The following PTPN4 variants were observed in gnomAD, a reference collection of about 807,000 sequenced individuals.
PTPN4 encodes tyrosine-protein phosphatase non-receptor type 4.
PTPN4 carries 49 observed loss-of-function variants against 135.5 expected under a neutral mutation model. The observed-to-expected ratio is 0.36, with a 90% CI of 0.29 to 0.46. The LOEUF (loss-of-function observed/expected upper bound fraction) is 0.46, where lower values mean the gene tolerates loss of function less well. Ranked by LOEUF, PTPN4 falls within the 20% of genes least tolerant of loss-of-function variation. The pLI, the probability that PTPN4 is intolerant of heterozygous loss-of-function variation, is 1.00. For synonymous variants in PTPN4, 333 were observed against 369.9 expected (o/e 0.90, Z 1.14); for missense variants, 860 against 1,101.0 (o/e 0.78, Z 3.10).
chr2:119,781,047 T>G (rs959843748), intron 1 of PTPN4, among the ~76,000 whole-genome samples: 11 of 152,208 alleles, frequency 7.2e-5, no homozygotes, highest in African/African-American at 2.7e-4. Flanking sequence ...TAATCTATTA[T>G]TTATTTTGGA....
At position 119,979,628 on chromosome 2, in the gene PTPN4, T is replaced by C. The variant is rs1679663550; in HGVS notation, c.*2558T>C. The C allele has an allele frequency of 6.6e-6, 1 of 152,128 alleles. No individual in the cohort carries two copies. The highest frequency in any genetic ancestry group is 1.5e-5 in the Non-Finnish European group (1 of 67,978). The allele number at this position is 152,128 out of a possible 1,614,324, so 9.4% of individuals were successfully genotyped here. ...AAGAACTTTTTAACCTGTATATCAATCTAAATAGGTTTCTAGAAATAATCC... is the reference window on the plus strand; with the variant it reads ...AAGAACTTTTTAACCTGTATATCAACCTAAATAGGTTTCTAGAAATAATCC... On this transcript the variant is annotated 3_prime_UTR_variant, in exon 27 of 27. Coordinates refer to ENST00000263708, the MANE Select transcript of PTPN4 (RefSeq NM_002830.4).
At chr2:119,949,195 G>C (rs1037625712) in intron 18 of PTPN4, among the ~76,000 whole-genome samples, 1 of 152,036 alleles carries the variant, frequency 6.6e-6, no homozygotes, top group Non-Finnish European at 1.5e-5. Context: ...GTAGAACTAT[G>C]TTCCATAAAT....
chr2:119,784,305 C>T (rs1210980346), intron 1 of PTPN4, among the ~76,000 whole-genome samples: 3 of 142,082 alleles, frequency 2.1e-5, no homozygotes, highest in Non-Finnish European at 4.5e-5. Flanking sequence ...GACAGAATCT[C>T]CTGGGCTCAA....
chr2:119,836,327 C>T (rs1355606422), intron 2 of PTPN4, among the ~76,000 whole-genome samples: 1 of 152,236 alleles, frequency 6.6e-6, no homozygotes, highest in Admixed American at 6.5e-5. Flanking sequence ...AGACATTACA[C>T]AGTAGAACTC....
At chr2:119,935,959 C>T (rs1454170222) in intron 15 of PTPN4, among the ~76,000 whole-genome samples, 1 of 152,064 alleles carries the variant, frequency 6.6e-6, no homozygotes, top group Non-Finnish European at 1.5e-5. Context: ...TTTAAAGGGC[C>T]TTTTCCAAAG....
Position 119,980,449 on chromosome 2 carries a change from A to G in PTPN4, c.*3379A>G, listed in dbSNP as rs1057247552. 2 of 152,026 alleles carry G rather than the reference A, an allele frequency of 1.3e-5. No individual in the cohort carries two copies. The highest frequency in any genetic ancestry group is 2.4e-5 in the African/African-American group (1 of 41,436). 9.4% of individuals were successfully genotyped at this position (152,026 alleles called of 1,614,324 possible). A position where few individuals can be genotyped will look rare whatever the true frequency, so the allele number is the denominator to read the frequency against. On this transcript the variant is annotated 3_prime_UTR_variant, in exon 27 of 27. Transcript: ENST00000263708. Reference sequence around the variant, plus strand: ...GAAAGGAACTTGAAAAATGTTATCCAGTCTTCACTTAGCCCATTTTTATCG... The same window carrying G: ...GAAAGGAACTTGAAAAATGTTATCCGGTCTTCACTTAGCCCATTTTTATCG...
Position 119,951,964 on chromosome 2 carries a change from A to G in PTPN4, c.1657-9A>G. 1 of 1,597,250 alleles carries G rather than the reference A, an allele frequency of 6.3e-7. No homozygotes were observed. Among genetic ancestry groups the G allele is most frequent in the African/African-American group, 1.3e-5 (1 of 74,290 alleles). On this transcript the variant is annotated splice_polypyrimidine_tract_variant and intron_variant, in intron 18 of 26. Coordinates refer to ENST00000263708, the MANE Select transcript of PTPN4 (RefSeq NM_002830.4). Reference sequence around the variant, plus strand: ...GCCAATCTGAAACCTTATCTATATTATATTACAGGCTGACCTCTGTGTCCC... The same window carrying G: ...GCCAATCTGAAACCTTATCTATATTGTATTACAGGCTGACCTCTGTGTCCC...
At chr2:119,902,535 G>T (rs1429772694) in intron 10 of PTPN4, among the ~76,000 whole-genome samples, 1 of 152,214 alleles carries the variant, frequency 6.6e-6, no homozygotes, top group East Asian at 1.9e-4. Context: ...AGTCACGGAG[G>T]CACTTGTGTC....
At chr2:119,834,281 C>G (rs1388074263) in intron 2 of PTPN4, among the ~76,000 whole-genome samples, 1 of 152,040 alleles carries the variant, frequency 6.6e-6, no homozygotes, top group Non-Finnish European at 1.5e-5. Context: ...ATCAGACAAC[C>G]TCTCATCACC....
rs187903355 is a variant in PTPN4, at chr2:119,876,301, G to A, written c.247-1022G>A. Among the ~76,000 whole-genome samples the A allele has an allele frequency of 5.1e-3, 774 of 152,238 alleles. 6 individuals are homozygous for A. The highest frequency in any genetic ancestry group is 7.4e-3 in the Admixed American group (113 of 15,282). ...AGCATGAAGAGGGACATGGTGATGA[G>A]AAAATCAACTGGGAGAGCAATTAAG... On this transcript the variant is annotated intron_variant, in intron 3 of 26. Coordinates refer to ENST00000263708, the MANE Select transcript of PTPN4 (RefSeq NM_002830.4).
intron 25 of PTPN4, among the ~76,000 whole-genome samples, chr2:119,966,380 C>T (rs534121956): frequency 2.6e-5 from 4 of 152,206 alleles, no homozygotes; most frequent in South Asian, 2.1e-4. Context: ...TGCCTCAGCC[C>T]CCGGAGTAGC....
intron 3 of PTPN4, among the ~76,000 whole-genome samples, chr2:119,876,498 G>A (rs1677984959): frequency 6.6e-6 from 1 of 152,030 alleles, no homozygotes; most frequent in African/African-American, 2.4e-5. Flanking sequence ...TATGTGTTCT[G>A]CCTGGATTTA....
chr2:119,872,892 A>T (rs149045029), intron 3 of PTPN4, among the ~76,000 whole-genome samples: 1 of 152,362 alleles, frequency 6.6e-6, no homozygotes, highest in East Asian at 1.9e-4. Context: ...ACTGAAACAG[A>T]TGAAGAAATA....
chr2:119,946,314 C>A, intron 16 of PTPN4, 27 bp from the exon 17 acceptor site: 1 of 1,494,048 alleles, frequency 6.7e-7, no homozygotes, highest in Non-Finnish European at 9.2e-7. Flanking sequence ...AAGAAAATTA[C>A]AAGTTATTTA....
At chr2:119,876,091 T>A (rs996558728) in intron 3 of PTPN4, among the ~76,000 whole-genome samples, 1 of 152,116 alleles carries the variant, frequency 6.6e-6, no homozygotes, top group Non-Finnish European at 1.5e-5. Flanking sequence ...ATGGCATCTT[T>A]CAGAAACAGA....
At chr2:119,974,288 T>A (rs1381267144) in intron 26 of PTPN4, among the ~76,000 whole-genome samples, 2 of 152,130 alleles carry the variant, frequency 1.3e-5, no homozygotes, top group African/African-American at 4.8e-5. Context: ...CTTGGCTCAC[T>A]GCAACCTCCG....
chr2:119,949,480 A>G (rs1011808875), intron 18 of PTPN4, among the ~76,000 whole-genome samples: 3 of 152,166 alleles, frequency 2.0e-5, no homozygotes, highest in Non-Finnish European at 4.4e-5. Context: ...ACTCCCAATT[A>G]AAGTTATGAT....
intron 3 of PTPN4, among the ~76,000 whole-genome samples, chr2:119,866,303 A>C (rs768949594): frequency 4.6e-5 from 7 of 151,966 alleles, no homozygotes; most frequent in Non-Finnish European, 1.5e-5. Flanking sequence ...TAGAGGGTAG[A>C]TTATTAATTA....
At chr2:119,811,464 T>C (rs1343091276) in intron 2 of PTPN4, among the ~76,000 whole-genome samples, 1 of 152,198 alleles carries the variant, frequency 6.6e-6, no homozygotes, top group Admixed American at 6.5e-5. Flanking sequence ...TTTTGATTTC[T>C]TTTGTATTCT....
Sources: allele counts gnomAD v4.1 joint callset (sites outside exome capture counted in the v4.1 genomes callset), GRCh38; gene constraint gnomAD v4.1.1; transcripts MANE v1.5; gene names NCBI Gene and HGNC (gene_info 2026-07-23, HGNC 2026-07-21).